The following EDIL3 variants were observed in gnomAD, a reference collection of about 807,000 sequenced individuals.
The protein encoded by EDIL3 is EGF-like repeat and discoidin I-like domain-containing protein 3.
A neutral mutation model predicts 67.4 loss-of-function variants in EDIL3; 37 were observed. The ratio of observed to expected loss-of-function variants is 0.55; its 90% CI spans 0.42 to 0.72. The LOEUF (loss-of-function observed/expected upper bound fraction) is 0.72, where lower values mean the gene tolerates loss of function less well. EDIL3 is among the 30% of genes least tolerant of loss of function. The pLI, the probability that EDIL3 is intolerant of heterozygous loss-of-function variation, is 0.00. For missense variants in EDIL3, 527 were observed against 586.3 expected (o/e 0.90, Z 1.04); for synonymous variants, 195 against 196.3 (o/e 0.99, Z 0.05).
rs370101173 is a variant in EDIL3, at chr5:83,963,166, T to C, written c.1293+39A>G. On this transcript the variant is annotated intron_variant, in intron 10 of 10. Transcript: ENST00000296591. ...ATCAAACTTGGGTGTAATTTGATCC[T>C]CCACTTCTGAACTTTATAAACCGAT... is the stretch of plus-strand genomic sequence containing the variant. The C allele has an allele frequency of 4.8e-4, 744 of 1,560,046 alleles. 3 individuals carry two copies. Among genetic ancestry groups the C allele is most frequent in the Non-Finnish European group, 9.3e-5 (107 of 1,154,762 alleles).
intron 4 of EDIL3, among the ~76,000 whole-genome samples, chr5:84,171,507 T>G (rs1190560009): frequency 6.6e-6 from 1 of 152,160 alleles, no homozygotes; most frequent in African/African-American, 2.4e-5. Flanking sequence ...TCCGATTAAG[T>G]GAGGGTCAGA....
chr5:84,121,395 C>T (rs1449162509), intron 5 of EDIL3, among the ~76,000 whole-genome samples: 1 of 151,934 alleles, frequency 6.6e-6, no homozygotes, highest in East Asian at 1.9e-4. Context: ...TCTCTTTTCT[C>T]ATCTAGCCAA....
At chr5:84,055,523 C>T (rs1746426800) in intron 9 of EDIL3, among the ~76,000 whole-genome samples, 1 of 151,122 alleles carries the variant, frequency 6.6e-6, no homozygotes. Flanking sequence ...GAACAGGCAA[C>T]CTACAGAATG....
chr5:84,139,851 G>A (rs1260436450), intron 4 of EDIL3, among the ~76,000 whole-genome samples: 1 of 152,124 alleles, frequency 6.6e-6, no homozygotes, highest in Non-Finnish European at 1.5e-5. Context: ...CAATTTCCAA[G>A]CAGGGAGCCA....
chr5:84,066,770 G>C (rs1172651720), intron 6 of EDIL3, among the ~76,000 whole-genome samples, 164 bp from the exon 7 acceptor site: 2 of 152,078 alleles, frequency 1.3e-5, no homozygotes, highest in African/African-American at 4.8e-5. Context: ...ATTAAATTTA[G>C]CTTCAAAATC....
At position 84,055,115 on chromosome 5, in the gene EDIL3, C is replaced by CTA. The variant is rs1580302634; in HGVS notation, c.1137+5184_1137+5185insTA. 7.6e-5 allele frequency among the ~76,000 whole-genome samples: 11 copies of CTA among 145,670 alleles called. 1 individual carries two copies. The East Asian group carries it at 2.2e-3, about 30-fold the overall frequency. On this transcript the variant is annotated intron_variant, in intron 9 of 10. Coordinates refer to ENST00000296591, the MANE Select transcript of EDIL3 (RefSeq NM_005711.5). ...GGTACTGGTACCAAAACAGAGATAC[C>CTA]GACCAATGGAACAGAACAGAGCCCT...
intron 4 of EDIL3, among the ~76,000 whole-genome samples, chr5:84,160,907 A>G (rs562526729): frequency 6.8e-6 from 1 of 147,962 alleles, no homozygotes; most frequent in Admixed American, 6.8e-5. Flanking sequence ...TACATGGATA[A>G]GTTCTTTAGT....
intron 9 of EDIL3, among the ~76,000 whole-genome samples, chr5:84,008,392 T>C (rs74408459): frequency 0.05 from 7,661 of 152,064 alleles, 608 homozygotes; most frequent in African/African-American, 0.17. Flanking sequence ...TCAAAATACC[T>C]CACATATATC....
chr5:84,060,879 G>A (rs952835349), intron 8 of EDIL3, among the ~76,000 whole-genome samples: 3 of 152,118 alleles, frequency 2.0e-5, no homozygotes, highest in African/African-American at 4.8e-5. Context: ...TTCTCACAAA[G>A]TATTGTTTTT....
chr5:84,208,093 C>T (rs1300522440), intron 3 of EDIL3, among the ~76,000 whole-genome samples: 1 of 151,768 alleles, frequency 6.6e-6, no homozygotes, highest in Non-Finnish European at 1.5e-5. Flanking sequence ...AAGAAACTAC[C>T]ATCAGAGTGA....
At chr5:84,272,483 T>G (rs1256203154) in intron 1 of EDIL3, among the ~76,000 whole-genome samples, 1 of 152,178 alleles carries the variant, frequency 6.6e-6, no homozygotes, top group Non-Finnish European at 1.5e-5. Context: ...ATATTTCCTA[T>G]GTACCAGGAA....
At chr5:84,232,164 G>A (rs1371792895) in intron 2 of EDIL3, among the ~76,000 whole-genome samples, 3 of 152,138 alleles carry the variant, frequency 2.0e-5, no homozygotes, top group East Asian at 3.8e-4. Flanking sequence ...AAATTCACTA[G>A]GTACTATTTA....
chr5:84,212,626 A>G (rs76159051), intron 3 of EDIL3, among the ~76,000 whole-genome samples: 1,835 of 152,314 alleles, frequency 0.012, 43 homozygotes, highest in African/African-American at 0.041. Context: ...ACAAGATCTA[A>G]GACCAGAGGT....
chr5:84,105,987 C>G (rs1747453128), intron 6 of EDIL3, among the ~76,000 whole-genome samples: 1 of 152,102 alleles, frequency 6.6e-6, no homozygotes, highest in South Asian at 2.1e-4. Flanking sequence ...GAGGTTTACT[C>G]TTTCACAGAC....
intron 5 of EDIL3, among the ~76,000 whole-genome samples, chr5:84,108,486 T>C (rs903618032): frequency 6.6e-6 from 1 of 152,144 alleles, no homozygotes; most frequent in African/African-American, 2.4e-5. Context: ...CACTTTAGAA[T>C]CATTAAATTA....
rs940883137 is a variant in EDIL3 at position 84,086,441 on chromosome 5, C to T, written c.652-19835G>A. Among the ~76,000 whole-genome samples the T allele has an allele frequency of 2.0e-5, 3 of 152,126 alleles. No individual in the cohort carries two copies. In the East Asian group the frequency reaches 5.8e-4, roughly 29 times the overall value. ...GGCTCCTTGCGCTTTCTGGGAGAAG[C>T]GACGTCCCACCCTGCTTCTGCTCGC... On this transcript the variant is annotated intron_variant, in intron 6 of 10. Coordinates refer to ENST00000296591, the MANE Select transcript of EDIL3 (RefSeq NM_005711.5).
chr5:84,148,703 A>C (rs1428156588), intron 4 of EDIL3, among the ~76,000 whole-genome samples: 1 of 152,148 alleles, frequency 6.6e-6, no homozygotes, highest in Non-Finnish European at 1.5e-5. Context: ...GCTAGAGGCA[A>C]CAAAACATCT....
intron 6 of EDIL3, among the ~76,000 whole-genome samples, chr5:84,083,788 T>C (rs1747019174): frequency 6.6e-6 from 1 of 152,192 alleles, no homozygotes; most frequent in Admixed American, 6.5e-5. Context: ...CATTTACAAA[T>C]ATAGAAGAAA....
chr5:84,086,560 T>A (rs755565211), intron 6 of EDIL3, among the ~76,000 whole-genome samples: 1 of 152,132 alleles, frequency 6.6e-6, no homozygotes, highest in Non-Finnish European at 1.5e-5. Flanking sequence ...TCTGTGTTGG[T>A]CTCGCTGGGA....
Sources: allele counts gnomAD v4.1 joint callset (sites outside exome capture counted in the v4.1 genomes callset), GRCh38; gene constraint gnomAD v4.1.1; transcripts MANE v1.5; gene names NCBI Gene and HGNC (gene_info 2026-07-23, HGNC 2026-07-21).